Variants in DLGAP1 observed in about 807,000 individuals in gnomAD.
DLGAP1 encodes the protein DLG associated protein 1.
In DLGAP1, 11 loss-of-function variants were observed where a neutral mutation model predicts 90.8. The ratio of observed to expected loss-of-function variants is 0.12; its 90% CI spans 0.08 to 0.20. The LOEUF (loss-of-function observed/expected upper bound fraction) is 0.20, where lower values mean the gene tolerates loss of function less well. Ranked by LOEUF, DLGAP1 falls within the 10% of genes least tolerant of loss-of-function variation. The probability of loss-of-function intolerance (pLI) is 1.00; values close to 1 mark genes in which losing one functional copy is unlikely to be tolerated. For missense variants in DLGAP1, 1,050 were observed against 1,333.8 expected, an observed-to-expected ratio of 0.79 and a Z score of 3.31; for synonymous variants, 558 against 540.7, an observed-to-expected ratio of 1.03 and a Z score of -0.44.
chr18:3,794,188 C>A (rs756716058), intron 5 of DLGAP1, among the ~76,000 whole-genome samples: 1 of 152,218 alleles, frequency 6.6e-6, no homozygotes, highest in Non-Finnish European at 1.5e-5. Flanking sequence ...CTCTTAGTTC[C>A]ACCTGCCCTC....
intron 5 of DLGAP1, among the ~76,000 whole-genome samples, chr18:3,802,205 G>A (rs566603094): frequency 2.0e-5 from 3 of 151,200 alleles, no homozygotes; most frequent in South Asian, 4.2e-4. Flanking sequence ...GGCTGGTCTT[G>A]AACTCCTGAC....
chr18:4,027,319 A>C (rs2074716500), intron 2 of DLGAP1, among the ~76,000 whole-genome samples: 1 of 151,868 alleles, frequency 6.6e-6, no homozygotes, highest in South Asian at 2.1e-4. Flanking sequence ...TAGCCTGGCC[A>C]AAATGGCAAA....
intron 1 of DLGAP1, among the ~76,000 whole-genome samples, chr18:4,354,542 A>G (rs1000712613): frequency 6.6e-6 from 1 of 152,110 alleles, no homozygotes; most frequent in African/African-American, 2.4e-5. Flanking sequence ...TTGCCTCTTC[A>G]TTTTCTGAAG....
At position 4,383,867 on chromosome 18, in the gene DLGAP1, G is replaced by A. The variant is rs981351642; in HGVS notation, c.-267+71139C>T. Among the ~76,000 whole-genome samples, 14 of 152,014 alleles carry A rather than the reference G, an allele frequency of 9.2e-5. No individual in the cohort carries two copies. Among genetic ancestry groups the A allele is most frequent in the African/African-American group, 3.1e-4 (13 of 41,406 alleles). On this transcript the variant is annotated intron_variant, in intron 1 of 12. Coordinates refer to ENST00000315677, the MANE Select transcript of DLGAP1 (RefSeq NM_004746.4). The surrounding 1 kb of genome is among the most constrained non-coding windows in gnomAD (Gnocchi z 4.0). ...GAGATTAAGTGCAACCATTTCAATG[G>A]CTCCTACCAAATAAATAAAATAACT...
chr18:3,830,416 T>C (rs778924153), intron 4 of DLGAP1, among the ~76,000 whole-genome samples: 2 of 152,034 alleles, frequency 1.3e-5, no homozygotes, highest in Admixed American at 6.5e-5. Flanking sequence ...ATACAAAAAA[T>C]TAGCCGGGTG....
chr18:3,909,954 A>G (rs1364654058), intron 3 of DLGAP1, among the ~76,000 whole-genome samples: 2 of 152,062 alleles, frequency 1.3e-5, no homozygotes, highest in African/African-American at 4.8e-5. Flanking sequence ...AATCACACAG[A>G]AAAAACTGCA....
At chr18:3,927,793 T>G (rs2072425255) in intron 3 of DLGAP1, among the ~76,000 whole-genome samples, 1 of 151,698 alleles carries the variant, frequency 6.6e-6, no homozygotes, top group Admixed American at 6.6e-5. Flanking sequence ...ACATTTTACA[T>G]TATGTCATTA....
chr18:4,073,611 G>A (rs1000802677), intron 2 of DLGAP1, among the ~76,000 whole-genome samples: 14 of 152,168 alleles, frequency 9.2e-5, no homozygotes, highest in Non-Finnish European at 1.8e-4. Flanking sequence ...TTATTTTAAT[G>A]TTAGGCAGAA....
intron 2 of DLGAP1, among the ~76,000 whole-genome samples, chr18:4,010,381 C>T (rs1011150851): frequency 3.9e-5 from 6 of 151,922 alleles, no homozygotes; most frequent in Non-Finnish European, 5.9e-5. Flanking sequence ...TCTGTCTCTA[C>T]AAAAAAATAT....
chr18:4,333,598 G>A lies in DLGAP1; in HGVS notation c.-267+121408C>T, dbSNP rs141449579. Among the ~76,000 whole-genome samples the A allele has an allele frequency of 9.6e-4, 143 of 149,264 alleles. 2 individuals carry two copies. The East Asian group carries it at 0.026, about 27-fold the overall frequency. On this transcript the variant is annotated intron_variant, in intron 1 of 12. Coordinates refer to ENST00000315677, the MANE Select transcript of DLGAP1 (RefSeq NM_004746.4). ...TCAGTGCCATGCATGTATGAAAGGC[G>A]CTCAAGACATTATATATATATATAA...
chr18:4,223,415 T>C (rs117348875), intron 1 of DLGAP1, among the ~76,000 whole-genome samples: 2,617 of 152,286 alleles, frequency 0.017, 36 homozygotes, highest in Non-Finnish European at 0.024. Flanking sequence ...TAGTCTACAA[T>C]TATGTACCAA....
chr18:3,612,368 C>T (rs2057676929), intron 7 of DLGAP1, among the ~76,000 whole-genome samples: 1 of 152,190 alleles, frequency 6.6e-6, no homozygotes, highest in South Asian at 2.1e-4. Context: ...ATGGGAAATG[C>T]TCAGTGTATT....
At chr18:4,124,477 A>G (rs1189944242) in intron 2 of DLGAP1, among the ~76,000 whole-genome samples, 1 of 152,230 alleles carries the variant, frequency 6.6e-6, no homozygotes, top group African/African-American at 2.4e-5. Flanking sequence ...GAATCTAGAC[A>G]CATAATGACA....
chr18:4,251,368 G>A (rs907683217), intron 1 of DLGAP1, among the ~76,000 whole-genome samples: 1 of 152,224 alleles, frequency 6.6e-6, no homozygotes, highest in Non-Finnish European at 1.5e-5. Flanking sequence ...ACCAGGGTCA[G>A]AGGAGGTCAG....
At chr18:4,181,743 A>T (rs367887402) in intron 1 of DLGAP1, among the ~76,000 whole-genome samples, 48 of 151,614 alleles carry the variant, frequency 3.2e-4, no homozygotes, top group African/African-American at 1.1e-3. Flanking sequence ...CACTTCTCAC[A>T]TGGGCTGTAT....
chr18:3,797,981 C>T (rs955613688), intron 5 of DLGAP1, among the ~76,000 whole-genome samples: 53 of 152,190 alleles, frequency 3.5e-4, no homozygotes, highest in African/African-American at 1.1e-3. Context: ...AAACCCCTAT[C>T]GCTTGGCTCT....
intron 4 of DLGAP1, among the ~76,000 whole-genome samples, chr18:3,868,924 ATCT>A (rs1331259836): frequency 6.6e-6 from 1 of 152,182 alleles, no homozygotes; most frequent in Non-Finnish European, 1.5e-5. Context: ...ACATTTGGTC[ATCT>A]TCTATCAATG....
At chr18:4,251,285 T>C (rs2078774074) in intron 1 of DLGAP1, among the ~76,000 whole-genome samples, 1 of 152,168 alleles carries the variant, frequency 6.6e-6, no homozygotes, top group African/African-American at 2.4e-5. Flanking sequence ...AGACTTGAGA[T>C]TATATAACTT....
At chr18:3,566,389 C>CTA (rs910060413) in intron 9 of DLGAP1, among the ~76,000 whole-genome samples, 19 of 150,580 alleles carry the variant, frequency 1.3e-4, no homozygotes, top group South Asian at 4.2e-4. Context: ...CACACACACA[C>CTA]TATATATATA....
Sources: gnomAD v4.1 joint callset for allele counts (sites outside exome capture counted in the v4.1 genomes callset) on GRCh38, gnomAD v4.1.1 for gene constraint, Gnocchi (gnomAD v3.1) non-coding constraint, MANE v1.5 for transcripts, NCBI Gene and HGNC (gene_info 2026-07-23, HGNC 2026-07-21) for gene names.